The following GRHL2 variants were observed in gnomAD, a reference collection of about 807,000 sequenced individuals.
GRHL2 encodes the protein grainyhead-like protein 2 homolog.
Under a neutral mutation model 83.8 loss-of-function variants are expected in GRHL2, and 21 were observed. The ratio of observed to expected loss-of-function variants is 0.25; its 90% confidence interval spans 0.18 to 0.36. The LOEUF (loss-of-function observed/expected upper bound fraction) is 0.36. GRHL2 is among the 10% of genes least tolerant of loss of function. GRHL2 has a pLI of 1.00. For synonymous variants in GRHL2, 280 were observed against 278.9 expected, an observed-to-expected ratio of 1.00 and a Z score of -0.04; for missense variants, 623 against 781.8, an observed-to-expected ratio of 0.80 and a Z score of 2.42.
chr8:101,639,806 A>G (rs1157954186), intron 12 of GRHL2, among the ~76,000 whole-genome samples: 1 of 152,244 alleles, frequency 6.6e-6, no homozygotes, highest in African/African-American at 2.4e-5. Flanking sequence ...CTTCGCTGGT[A>G]TTTGTACAGC....
At chr8:101,514,421 A>T (rs1276575581) in intron 1 of GRHL2, among the ~76,000 whole-genome samples, 1 of 152,214 alleles carries the variant, frequency 6.6e-6, no homozygotes, top group African/African-American at 2.4e-5. Flanking sequence ...TAGGGGAGCT[A>T]CGCAAGGGAA....
At chr8:101,577,308 AC>A in intron 6 of GRHL2, 99 bp from the exon 7 acceptor site, 3 of 777,302 alleles carry the variant, frequency 3.9e-6, no homozygotes, top group Non-Finnish European at 6.8e-6. Flanking sequence ...AAGAAAAGCA[AC>A]ATGACACAAA....
intron 7 of GRHL2, among the ~76,000 whole-genome samples, chr8:101,596,890 A>G (rs866537667): frequency 1.9e-4 from 29 of 152,218 alleles, no homozygotes; most frequent in African/African-American, 6.8e-4. Context: ...AAATGTAAAC[A>G]TGTAGTTTGG....
chr8:101,626,455 T>G (rs1416820443), intron 9 of GRHL2, among the ~76,000 whole-genome samples: 1 of 152,102 alleles, frequency 6.6e-6, no homozygotes, highest in Admixed American at 6.6e-5. Context: ...ATGCTAACAT[T>G]AAATTCTTTC....
chr8:101,603,325 T>G (rs1812557944), intron 8 of GRHL2, among the ~76,000 whole-genome samples: 1 of 152,144 alleles, frequency 6.6e-6, no homozygotes, highest in East Asian at 1.9e-4. Context: ...TAAGTTTTGA[T>G]GCATTTATTT....
intron 1 of GRHL2, among the ~76,000 whole-genome samples, chr8:101,510,500 C>T (rs976863593): frequency 2.0e-5 from 3 of 152,084 alleles, no homozygotes; most frequent in African/African-American, 7.2e-5. Flanking sequence ...GGCATAAAAT[C>T]TTTCAAGATT....
At chr8:101,626,946 T>G (rs1813093724) in intron 9 of GRHL2, among the ~76,000 whole-genome samples, 1 of 152,028 alleles carries the variant, frequency 6.6e-6, no homozygotes, top group African/African-American at 2.4e-5. Context: ...AAATAAGAAT[T>G]GTGGTTCTCT....
intron 1 of GRHL2, among the ~76,000 whole-genome samples, chr8:101,497,284 A>G (rs928990303): frequency 6.6e-6 from 1 of 152,182 alleles, no homozygotes; most frequent in Non-Finnish European, 1.5e-5. Context: ...TACTACCTTC[A>G]GCTACCATCT....
intron 14 of GRHL2, among the ~76,000 whole-genome samples, chr8:101,654,292 A>T (rs529335638): frequency 2.6e-5 from 4 of 152,352 alleles, no homozygotes; most frequent in African/African-American, 9.6e-5. Context: ...TCCTGGACTA[A>T]TTATTGAAAG....
rs991663347 is a variant in GRHL2, at chr8:101,509,291, A to G, written c.20+16502A>G. Reference sequence around the variant, plus strand: ...AGAAACACTTTGGTTGTTTATCTAAATAGTAGGGCTATTTAAAATGAAGTC... The same window carrying G: ...AGAAACACTTTGGTTGTTTATCTAAGTAGTAGGGCTATTTAAAATGAAGTC... On this transcript the variant is annotated intron_variant, in intron 1 of 15. Coordinates refer to ENST00000646743, the MANE Select transcript of GRHL2 (RefSeq NM_024915.4). Among the ~76,000 whole-genome samples, 11 of 146,946 alleles carry G rather than the reference A, an allele frequency of 7.5e-5. No homozygotes were observed. The Admixed American group carries it at 7.6e-4, about 10-fold the overall frequency.
intron 7 of GRHL2, among the ~76,000 whole-genome samples, chr8:101,586,020 T>C (rs1812156795): frequency 6.6e-6 from 1 of 151,742 alleles, no homozygotes; most frequent in Admixed American, 6.6e-5. Context: ...CAGACTCTCT[T>C]TCAAGCTATT....
At chr8:101,536,141 CTTAAA>C (rs1457301128) in intron 1 of GRHL2, among the ~76,000 whole-genome samples, 1 of 152,056 alleles carries the variant, frequency 6.6e-6, no homozygotes, top group Non-Finnish European at 1.5e-5. Flanking sequence ...GGCTTAATTC[CTTAAA>C]TTAAATAAGT....
chr8:101,579,389 T>C (rs953694773), intron 7 of GRHL2, among the ~76,000 whole-genome samples: 2 of 152,206 alleles, frequency 1.3e-5, no homozygotes, highest in Non-Finnish European at 2.9e-5. Flanking sequence ...CAGATCTTCT[T>C]ATCTTCTTTA....
rs16868152 is a variant in GRHL2 at position 101,657,917 on chromosome 8, G to A, written c.1699-6537G>A. On this transcript the variant is annotated intron_variant, in intron 14 of 15. Transcript: ENST00000646743. ...CCAAATCACCCTGTTCCGACAGAAC[G>A]ATCATGTGCCACACGTTTTCCATTC... Among the ~76,000 whole-genome samples the A allele has an allele frequency of 4.9e-3, 752 of 152,128 alleles. 18 individuals carry two copies. Among genetic ancestry groups the A allele is most frequent in the East Asian group, 0.036 (184 of 5,176 alleles).
chr8:101,595,035 C>T (rs533760716), intron 7 of GRHL2, among the ~76,000 whole-genome samples: 1 of 152,152 alleles, frequency 6.6e-6, no homozygotes, highest in African/African-American at 2.4e-5. Context: ...TCGTCTTGTT[C>T]ATTTATTTAT....
chr8:101,665,098 C>T (rs535971201), intron 15 of GRHL2, among the ~76,000 whole-genome samples: 2 of 152,224 alleles, frequency 1.3e-5, no homozygotes, highest in East Asian at 1.9e-4. Context: ...AATCTCTTAT[C>T]GCTGATTTAT....
At chr8:101,521,880 T>C (rs1810692936) in intron 1 of GRHL2, among the ~76,000 whole-genome samples, 1 of 152,196 alleles carries the variant, frequency 6.6e-6, no homozygotes, top group Non-Finnish European at 1.5e-5. Context: ...TGCTCCTTAA[T>C]AGGAGAGACT....
chr8:101,568,128 C>T (rs981877130), intron 4 of GRHL2, among the ~76,000 whole-genome samples: 1 of 152,098 alleles, frequency 6.6e-6, no homozygotes, highest in Non-Finnish European at 1.5e-5. Flanking sequence ...TAGTCACTAG[C>T]CAATGTGTTA....
chr8:101,565,490 A>G (rs1292675073), intron 4 of GRHL2, among the ~76,000 whole-genome samples: 3 of 152,188 alleles, frequency 2.0e-5, no homozygotes, highest in Admixed American at 6.5e-5. Flanking sequence ...ATGTCTGTAC[A>G]GTTCTCTTCC....
Sources: allele counts gnomAD v4.1 joint callset (sites outside exome capture counted in the v4.1 genomes callset), GRCh38; gene constraint gnomAD v4.1.1; transcripts MANE v1.5; gene names NCBI Gene and HGNC (gene_info 2026-07-23, HGNC 2026-07-21).